ANXA11: variants seen among roughly 807,000 people sequenced by gnomAD.
ANXA11 encodes 56 kDa autoantigen.
Under a neutral mutation model 64.7 loss-of-function variants are expected in ANXA11, and 57 were observed. That is an observed-to-expected ratio of 0.88 (90% confidence interval 0.71 to 1.10). The LOEUF (loss-of-function observed/expected upper bound fraction) is 1.10, where lower values mean the gene tolerates loss of function less well. ANXA11 is among the 50% of genes least tolerant of loss of function. The probability of loss-of-function intolerance (pLI) is 0.00; values close to 1 mark genes in which losing one functional copy is unlikely to be tolerated. For missense variants in ANXA11, 675 were observed against 670.7 expected, an observed-to-expected ratio of 1.01 and a Z score of -0.07; for synonymous variants, 260 against 265.2, an observed-to-expected ratio of 0.98 and a Z score of 0.19.
rs765489119 is a variant in ANXA11 at position 80,166,930 on chromosome 10, C to T, written c.704G>A (p.Arg235Gln). The change falls in exon 7 of 16, where the codon CGG becomes CAG. Residue 235 changes from arginine (R) to glutamine (Q), a missense_variant. Arg to Gln is a conservative substitution (Grantham distance 43). Transcript: ENST00000422982. ...CTTGAAGGAAAGTAGGATCTGCTGC[C>T]GCTGCTTGTTGGAGCGACTCCCCAG... The part of the protein sequence containing the change: ...DCLGSRSNKQ[R>Q]QQILLSFKTA... 7 of 1,609,362 alleles carry T rather than the reference C, an allele frequency of 4.3e-6. No homozygotes were observed. The highest frequency in any genetic ancestry group is 5.1e-6 in the Non-Finnish European group (6 of 1,178,376).
At chr10:80,161,580 G>C (rs1845505934) in intron 12 of ANXA11, among the ~76,000 whole-genome samples, 2 of 152,258 alleles carry the variant, frequency 1.3e-5, no homozygotes, top group Admixed American at 1.3e-4. Context: ...TACATCTGTT[G>C]AATGAATGAG....
chr10:80,188,130 A>C (rs1184722718), intron 1 of ANXA11, among the ~76,000 whole-genome samples: 1 of 148,734 alleles, frequency 6.7e-6, no homozygotes, highest in Non-Finnish European at 1.5e-5. Flanking sequence ...ACCCCCAATT[A>C]CTCTCTCTCA....
chr10:80,179,582 C>A (rs542243536), intron 1 of ANXA11, among the ~76,000 whole-genome samples: 7 of 152,234 alleles, frequency 4.6e-5, no homozygotes, highest in Admixed American at 3.3e-4. Context: ...CCAGAACGAC[C>A]CTATAGTCTA....
chr10:80,199,218 C>T (rs1403703572), intron 1 of ANXA11, among the ~76,000 whole-genome samples: 5 of 151,828 alleles, frequency 3.3e-5, no homozygotes, highest in Admixed American at 3.3e-4. Flanking sequence ...CTGCCTCAGC[C>T]TCCCGAGTAG....
chr10:80,205,668 G>C (rs1043942271), upstream of ANXA11: 1 of 152,168 alleles, frequency 6.6e-6, no homozygotes, highest in African/African-American at 2.4e-5. Context: ...CTGCGGAGCT[G>C]CTCCAGGAAG....
intron 2 of ANXA11, among the ~76,000 whole-genome samples, chr10:80,175,356 T>G (rs1846131630): frequency 6.6e-6 from 1 of 152,078 alleles, no homozygotes; most frequent in Admixed American, 6.6e-5. Context: ...GAGACACCAC[T>G]AGGCAGGACC....
At chr10:80,200,227 G>A (rs951934958) in intron 1 of ANXA11, among the ~76,000 whole-genome samples, 1 of 152,136 alleles carries the variant, frequency 6.6e-6, no homozygotes, top group African/African-American at 2.4e-5. Flanking sequence ...ATTACTAACC[G>A]CTCCATGTGA....
intron 1 of ANXA11, among the ~76,000 whole-genome samples, chr10:80,198,146 C>T (rs945293948): frequency 1.3e-5 from 2 of 152,210 alleles, no homozygotes; most frequent in African/African-American, 4.8e-5. Context: ...GCACTGCCTG[C>T]GGGCTTGCCA....
chr10:80,167,179 G>A, intron 6 of ANXA11, 47 bp downstream of exon 6: 2 of 1,584,234 alleles, frequency 1.3e-6, no homozygotes, highest in Non-Finnish European at 1.7e-6. Context: ...AACTGCCTGG[G>A]AAATAGGGGG....
chr10:80,156,503 A>G (rs1674773628), intron 15 of ANXA11: 1 of 469,416 alleles, frequency 2.1e-6, no homozygotes, highest in Non-Finnish European at 4.4e-6. Context: ...GATACTCTGT[A>G]ATGAATTATT....
At chr10:80,165,707 T>C (rs1192386428) in intron 8 of ANXA11, among the ~76,000 whole-genome samples, 4 of 152,176 alleles carry the variant, frequency 2.6e-5, no homozygotes, top group Admixed American at 2.6e-4. Context: ...GTTTCTGTCA[T>C]TTGCTAGTAA....
intron 1 of ANXA11, among the ~76,000 whole-genome samples, chr10:80,201,067 C>T (rs1840398585): frequency 6.6e-6 from 1 of 152,130 alleles, no homozygotes; most frequent in African/African-American, 2.4e-5. Flanking sequence ...GTCCTCTTCG[C>T]CTTCAAAGCC....
At chr10:80,165,802 T>G (rs1326970695) in intron 8 of ANXA11, among the ~76,000 whole-genome samples, 1 of 151,874 alleles carries the variant, frequency 6.6e-6, no homozygotes, top group East Asian at 1.9e-4. Context: ...AAACCCGAGC[T>G]CCCCCTTTTC....
intron 1 of ANXA11, among the ~76,000 whole-genome samples, chr10:80,197,698 G>A (rs1317968525): frequency 1.3e-5 from 2 of 152,160 alleles, no homozygotes; most frequent in Non-Finnish European, 2.9e-5. Context: ...CGAGGCGGGA[G>A]GATCACGAGG....
intron 1 of ANXA11, among the ~76,000 whole-genome samples, chr10:80,192,179 C>T (rs1846806681): frequency 1.3e-5 from 2 of 152,162 alleles, no homozygotes; most frequent in Non-Finnish European, 2.9e-5. Flanking sequence ...AGTGGGAAGA[C>T]CAGCGCTGAG....
intron 1 of ANXA11, among the ~76,000 whole-genome samples, chr10:80,178,820 G>A (rs948795941): frequency 6.6e-6 from 1 of 152,160 alleles, no homozygotes; most frequent in South Asian, 2.1e-4. Context: ...ACATGCTAGC[G>A]CCCTAGCCCC....
intron 1 of ANXA11, among the ~76,000 whole-genome samples, chr10:80,180,009 C>T (rs1171635011): frequency 6.6e-6 from 1 of 152,156 alleles, no homozygotes; most frequent in East Asian, 1.9e-4. Flanking sequence ...TGGTGAATGC[C>T]AAAAGCATAG....
At position 80,169,372 on chromosome 10, in the gene ANXA11, A is replaced by G; in HGVS notation, c.172-14T>C. On this transcript the variant is annotated splice_polypyrimidine_tract_variant and intron_variant, in intron 4 of 15. Transcript: ENST00000422982. ...CATGTTGGCCGCCTGCAAGGACACA[A>G]AGCAGAGCCTGAGGCCAATGGGCCC... is the stretch of plus-strand genomic sequence containing the variant. The G allele has an allele frequency of 6.2e-7, 1 of 1,602,028 alleles. No individual in the cohort carries two copies. Among genetic ancestry groups the G allele is most frequent in the Non-Finnish European group, 8.5e-7 (1 of 1,179,592 alleles).
intron 1 of ANXA11, among the ~76,000 whole-genome samples, chr10:80,187,660 T>C (rs1468473425): frequency 8.3e-6 from 1 of 120,028 alleles, no homozygotes; most frequent in African/African-American, 2.7e-5. Context: ...GACACAGGTC[T>C]CTGTCTTTGT....
Sources: gnomAD v4.1 joint callset for allele counts (sites outside exome capture counted in the v4.1 genomes callset) on GRCh38, gnomAD v4.1.1 for gene constraint, MANE v1.5 for transcripts, NCBI Gene and HGNC (gene_info 2026-07-23, HGNC 2026-07-21) for gene names.